GMPR: variants seen among roughly 807,000 people sequenced by gnomAD.
GMPR encodes the protein GMP reductase 1.
Under a neutral mutation model 38.4 loss-of-function variants are expected in GMPR, and 31 were observed. The observed-to-expected ratio is 0.81, with a 90% confidence interval of 0.61 to 1.09. The LOEUF (loss-of-function observed/expected upper bound fraction) is 1.09, where lower values mean the gene tolerates loss of function less well. Among genes scored for constraint, GMPR ranks in the 50% least tolerant of loss-of-function variants. The pLI, the probability that GMPR is intolerant of heterozygous loss-of-function variation, is 0.00. For synonymous variants in GMPR, 162 were observed against 173.3 expected (o/e 0.93, Z 0.51); for missense variants, 468 against 453.7 (o/e 1.03, Z -0.29).
intron 2 of GMPR, 149 bp downstream of exon 2, chr6:16,247,110 T>C (rs1758773141): frequency 1.4e-6 from 1 of 710,320 alleles, no homozygotes; most frequent in African/African-American, 1.8e-5. Context: ...AATCAGAAAG[T>C]GGACGGTGTC....
chr6:16,293,834 G>A (rs1015187526), intron 8 of GMPR, among the ~76,000 whole-genome samples: 1 of 152,192 alleles, frequency 6.6e-6, no homozygotes, highest in Non-Finnish European at 1.5e-5. Flanking sequence ...GAAAAGAACA[G>A]CTACAGAAAG....
At position 16,294,187 on chromosome 6, in the gene GMPR, A is replaced by T. The variant is rs555639454; in HGVS notation, c.858-819A>T. Among the ~76,000 whole-genome samples the T allele has an allele frequency of 3.9e-4, 60 of 152,318 alleles. No homozygotes were observed. In the South Asian group the frequency reaches 8.7e-3, roughly 22 times the overall value. On this transcript the variant is annotated intron_variant, in intron 8 of 8. Transcript: ENST00000259727. The stretch of plus-strand genomic sequence containing the variant: ...CTCCTCTGAAAATGTGAACGTTGCT[A>T]TCCAAAGCCTGGAAGCCTCTGGTGC...
At chr6:16,279,436 A>T (rs1022624321) in intron 6 of GMPR, among the ~76,000 whole-genome samples, 1 of 152,146 alleles carries the variant, frequency 6.6e-6, no homozygotes, top group Non-Finnish European at 1.5e-5. Context: ...CTCCTCCAGG[A>T]TGTCCGCATC....
intron 4 of GMPR, among the ~76,000 whole-genome samples, chr6:16,257,735 G>A (rs1251831990): frequency 6.6e-6 from 1 of 152,192 alleles, no homozygotes; most frequent in Non-Finnish European, 1.5e-5. Context: ...CTCATAGGTG[G>A]TGCTTTCTTG....
chr6:16,266,960 G>C (rs535900052), intron 4 of GMPR, among the ~76,000 whole-genome samples: 18 of 150,486 alleles, frequency 1.2e-4, no homozygotes, highest in African/African-American at 4.4e-4. Flanking sequence ...TCCTGAAGTC[G>C]GCGTAGACCA....
At chr6:16,241,405 C>G (rs913301465) in intron 1 of GMPR, among the ~76,000 whole-genome samples, 2 of 152,158 alleles carry the variant, frequency 1.3e-5, no homozygotes, top group African/African-American at 4.8e-5. Flanking sequence ...CACCAGCCTT[C>G]CATAAATGAA....
At chr6:16,239,657 A>T (rs1274737228) in intron 1 of GMPR, among the ~76,000 whole-genome samples, 1 of 152,224 alleles carries the variant, frequency 6.6e-6, no homozygotes, top group East Asian at 1.9e-4. Context: ...AAACACGAGG[A>T]GGCTGGGCCA....
At chr6:16,246,210 A>G (rs935505804) in intron 1 of GMPR, among the ~76,000 whole-genome samples, 10 of 152,120 alleles carry the variant, frequency 6.6e-5, no homozygotes, top group Non-Finnish European at 2.9e-5. Flanking sequence ...GCCGATAGCA[A>G]GGTTAGTCCT....
At chr6:16,285,024 A>G (rs6929282) in intron 6 of GMPR, among the ~76,000 whole-genome samples, 2 of 129,174 alleles carry the variant, frequency 1.5e-5, no homozygotes, top group Non-Finnish European at 3.1e-5. Flanking sequence ...TCTCAAAAAA[A>G]AAAAAAAACA....
At chr6:16,248,017 C>T (rs1054837525) in intron 2 of GMPR, among the ~76,000 whole-genome samples, 4 of 151,740 alleles carry the variant, frequency 2.6e-5, no homozygotes, top group African/African-American at 4.8e-5. Flanking sequence ...ATTGCTTGAG[C>T]TCAGGAGTTC....
chr6:16,288,539 C>T (rs750477553), intron 7 of GMPR, among the ~76,000 whole-genome samples: 4 of 152,216 alleles, frequency 2.6e-5, no homozygotes, highest in Non-Finnish European at 5.9e-5. Context: ...AGCTTCCCCG[C>T]CCCCTCCACG....
chr6:16,269,034 A>T (rs954122089), intron 4 of GMPR, among the ~76,000 whole-genome samples: 3 of 152,000 alleles, frequency 2.0e-5, no homozygotes, highest in African/African-American at 7.2e-5. Context: ...TCTGTTTTCT[A>T]TGTGTAAAAT....
intron 7 of GMPR, among the ~76,000 whole-genome samples, chr6:16,287,950 T>G (rs73362657): frequency 0.024 from 3,600 of 152,322 alleles, 68 homozygotes; most frequent in South Asian, 0.045. Context: ...GTTCCTATGT[T>G]TCCTCCTCCT....
chr6:16,270,403 G>A (rs374786298), intron 4 of GMPR, among the ~76,000 whole-genome samples: 11 of 152,258 alleles, frequency 7.2e-5, no homozygotes, highest in African/African-American at 1.9e-4. Flanking sequence ...GTGCTGCTAC[G>A]CACAGTCCCA....
At chr6:16,294,417 G>A (rs950006286) in intron 8 of GMPR, among the ~76,000 whole-genome samples, 1 of 152,200 alleles carries the variant, frequency 6.6e-6, no homozygotes, top group African/African-American at 2.4e-5. Context: ...AAGCTGGTAG[G>A]ACCTGCGCTA....
intron 4 of GMPR, among the ~76,000 whole-genome samples, chr6:16,269,103 G>A (rs545305346): frequency 9.5e-4 from 145 of 152,012 alleles, no homozygotes; most frequent in Middle Eastern, 3.4e-3. Flanking sequence ...TAAAAAGAAT[G>A]GGTAAAGGAG....
At position 16,238,603 on chromosome 6, in the gene GMPR, G is replaced by C. The variant is rs1261534342; in HGVS notation, c.-91G>C. 6.6e-6 allele frequency: 2 copies of C among 302,722 alleles called. No individual in the cohort carries two copies. Among genetic ancestry groups the C allele is most frequent in the Non-Finnish European group, 1.0e-5 (2 of 199,144 alleles). 18.8% of individuals were successfully genotyped at this position (302,722 alleles called of 1,614,324 possible). On this transcript the variant is annotated 5_prime_UTR_variant, in exon 1 of 9. Transcript: ENST00000259727. The stretch of plus-strand genomic sequence containing the variant: ...ACCCGGCCCACGCCAGCTCCCGGCC[G>C]CGGCACAGCAGCCCCGGCGCTCCCC...
At chr6:16,267,899 G>A (rs561870208) in intron 4 of GMPR, among the ~76,000 whole-genome samples, 4 of 152,316 alleles carry the variant, frequency 2.6e-5, no homozygotes, top group East Asian at 1.9e-4. Flanking sequence ...TCTCCAGGGC[G>A]GGACCCTGAC....
At chr6:16,271,703 A>G (rs1759390504) in intron 4 of GMPR, among the ~76,000 whole-genome samples, 1 of 152,158 alleles carries the variant, frequency 6.6e-6, no homozygotes, top group African/African-American at 2.4e-5. Context: ...CCCCATTATA[A>G]TTATAAAAGT....
Sources: gnomAD v4.1 joint callset for allele counts (sites outside exome capture counted in the v4.1 genomes callset) on GRCh38, gnomAD v4.1.1 for gene constraint, MANE v1.5 for transcripts, NCBI Gene and HGNC (gene_info 2026-07-23, HGNC 2026-07-21) for gene names.